PTPRD: variants seen among roughly 807,000 people sequenced by gnomAD.
PTPRD encodes protein tyrosine phosphatase receptor type D.
PTPRD carries 34 observed loss-of-function variants against 214.5 expected under a neutral mutation model. That is an observed-to-expected ratio of 0.16 (90% confidence interval 0.12 to 0.21). The LOEUF is 0.21. PTPRD is among the 10% of genes least tolerant of loss of function. PTPRD has a pLI of 1.00. For missense variants in PTPRD, 2,545 were observed against 2,398.7 expected, an observed-to-expected ratio of 1.06 and a Z score of -1.27; for synonymous variants, 1,128 against 845.7, an observed-to-expected ratio of 1.33 and a Z score of -5.79.
At chr9:10,292,005 A>G (rs776682056) in intron 3 of PTPRD, among the ~76,000 whole-genome samples, 1 of 152,054 alleles carries the variant, frequency 6.6e-6, no homozygotes, top group Non-Finnish European at 1.5e-5. Context: ...CTAAATTTCC[A>G]TGCACTAAGT....
intron 7 of PTPRD, among the ~76,000 whole-genome samples, chr9:9,724,673 G>C (rs1233715015): frequency 6.6e-6 from 1 of 152,114 alleles, no homozygotes; most frequent in African/African-American, 2.4e-5. Flanking sequence ...GGATGAAGGT[G>C]ATAAAAATGA....
chr9:8,567,336 G>C (rs1194210929), intron 14 of PTPRD, among the ~76,000 whole-genome samples: 1 of 152,132 alleles, frequency 6.6e-6, no homozygotes, highest in African/African-American at 2.4e-5. Context: ...TTAAGGCATA[G>C]CTCAGGAGTC....
chr9:9,940,057 G>A (rs115361395), intron 4 of PTPRD, among the ~76,000 whole-genome samples: 6 of 152,220 alleles, frequency 3.9e-5, no homozygotes, highest in African/African-American at 1.4e-4. Flanking sequence ...GCTTAATAAA[G>A]AACTCATTTA....
At chr9:9,748,168 G>A (rs1249413845) in intron 6 of PTPRD, among the ~76,000 whole-genome samples, 2 of 152,118 alleles carry the variant, frequency 1.3e-5, no homozygotes, top group East Asian at 1.9e-4. Context: ...TGTGTTTTCT[G>A]AACTTGGTGC....
At position 9,283,078 on chromosome 9, in the gene PTPRD, A is replaced by G. The variant is rs113495108; in HGVS notation, c.-202-99715T>C. Among the ~76,000 whole-genome samples, 1,375 of 151,574 alleles carry G rather than the reference A, an allele frequency of 9.1e-3. 10 individuals carry two copies. The highest frequency in any genetic ancestry group is 0.013 in the Non-Finnish European group (852 of 67,656). Reference sequence around the variant, plus strand: ...CCTAAACTTGGTGTGATAACCAAAAAAACTCATGTCATGGAAGAATACATA... The same window carrying G: ...CCTAAACTTGGTGTGATAACCAAAAGAACTCATGTCATGGAAGAATACATA... On this transcript the variant is annotated intron_variant, in intron 9 of 45. Transcript: ENST00000381196.
At chr9:9,539,766 C>A (rs1484949695) in intron 8 of PTPRD, among the ~76,000 whole-genome samples, 2 of 151,816 alleles carry the variant, frequency 1.3e-5, no homozygotes, top group Non-Finnish European at 2.9e-5. Context: ...CACTAAATTG[C>A]TGCTTTGGTT....
intron 8 of PTPRD, among the ~76,000 whole-genome samples, chr9:9,524,861 G>C (rs942351260): frequency 6.6e-6 from 1 of 152,102 alleles, no homozygotes; most frequent in Non-Finnish European, 1.5e-5. Flanking sequence ...TTGTTTGTTT[G>C]TTTGTTTGTT....
At chr9:10,068,588 CACCAA>C (rs900880066) in intron 3 of PTPRD, among the ~76,000 whole-genome samples, 5 of 151,746 alleles carry the variant, frequency 3.3e-5, no homozygotes, top group African/African-American at 1.2e-4. Flanking sequence ...TGTTTTCAAC[CACCAA>C]ACCATATTTG....
chr9:10,102,308 G>A (rs577298937), intron 3 of PTPRD, among the ~76,000 whole-genome samples: 2 of 151,014 alleles, frequency 1.3e-5, no homozygotes, highest in East Asian at 4.0e-4. Flanking sequence ...CTGGGGTATT[G>A]AATTTGATGA....
chr9:10,612,477 C>T lies in PTPRD; in HGVS notation c.-679G>A, dbSNP rs2081299383. On this transcript the variant is annotated 5_prime_UTR_variant, in exon 2 of 46. Transcript: ENST00000381196. ...TCCTACCAGTCAAATAAAGAATTGT[C>T]TTTCTATTCCACACAGGCCCAGAAT... is the stretch of plus-strand genomic sequence containing the variant. The T allele has an allele frequency of 6.6e-6, 1 of 152,258 alleles. No homozygotes were observed. Among genetic ancestry groups the T allele is most frequent in the Admixed American group, 6.5e-5 (1 of 15,282 alleles). The allele number at this position is 152,258 out of a possible 1,614,324, so 9.4% of individuals were successfully genotyped here. A position where few individuals can be genotyped will look rare whatever the true frequency, so the allele number is the denominator to read the frequency against.
At chr9:8,400,431 C>T (rs753631118) in intron 36 of PTPRD, among the ~76,000 whole-genome samples, 7 of 152,130 alleles carry the variant, frequency 4.6e-5, no homozygotes, top group Non-Finnish European at 1.5e-5. Context: ...TTTGATGATT[C>T]CCATATTGTG....
intron 12 of PTPRD, among the ~76,000 whole-genome samples, chr9:8,639,132 C>T (rs992491986): frequency 2.3e-4 from 35 of 152,164 alleles, no homozygotes; most frequent in South Asian, 8.3e-4. Flanking sequence ...TGAGCCACCA[C>T]GCCCGGCCTC....
intron 14 of PTPRD, among the ~76,000 whole-genome samples, chr9:8,620,784 G>T (rs968678398): frequency 1.3e-5 from 2 of 151,994 alleles, no homozygotes; most frequent in Admixed American, 6.6e-5. Context: ...ATTGGGCAAA[G>T]TCCTTTCAAG....
chr9:8,870,126 TAAAA>T (rs5896269), intron 11 of PTPRD, among the ~76,000 whole-genome samples: 1 of 137,572 alleles, frequency 7.3e-6, no homozygotes. Context: ...TTCCATCAGT[TAAAA>T]AAAAAAAAAA....
chr9:9,491,182 A>G (rs958946352), intron 8 of PTPRD, among the ~76,000 whole-genome samples: 23 of 152,092 alleles, frequency 1.5e-4, no homozygotes, highest in African/African-American at 5.5e-4. Context: ...CAGATTTTAA[A>G]TCAAACATTT....
At chr9:9,237,447 C>G (rs1306638913) in intron 9 of PTPRD, among the ~76,000 whole-genome samples, 1 of 152,022 alleles carries the variant, frequency 6.6e-6, no homozygotes, top group East Asian at 1.9e-4. Context: ...ACACCACCAC[C>G]ACCCAACAAC....
At chr9:9,794,457 A>T (rs1261929886) in intron 5 of PTPRD, among the ~76,000 whole-genome samples, 3 of 152,064 alleles carry the variant, frequency 2.0e-5, no homozygotes, top group Non-Finnish European at 4.4e-5. Context: ...CAGAGGCAAA[A>T]GTGAGTGTAT....
At chr9:10,205,813 A>G (rs543190056) in intron 3 of PTPRD, among the ~76,000 whole-genome samples, 1 of 152,308 alleles carries the variant, frequency 6.6e-6, no homozygotes, top group South Asian at 2.1e-4. Context: ...TTTTAAATGA[A>G]ATGTGATACT....
chr9:9,359,406 C>A (rs1032115933), intron 9 of PTPRD, among the ~76,000 whole-genome samples: 1 of 151,238 alleles, frequency 6.6e-6, no homozygotes, highest in African/African-American at 2.4e-5. Context: ...ATAAAAATGT[C>A]CCCTGATAAG....
Sources: gnomAD v4.1 joint callset for allele counts (sites outside exome capture counted in the v4.1 genomes callset) on GRCh38, gnomAD v4.1.1 for gene constraint, MANE v1.5 for transcripts, NCBI Gene and HGNC (gene_info 2026-07-23, HGNC 2026-07-21) for gene names.